The following C5orf47 variants were observed in gnomAD, a reference collection of about 807,000 sequenced individuals.
The protein encoded by C5orf47 is chromosome 5 open reading frame 47, also known as uncharacterized protein C5orf47.
C5orf47 carries 20 observed loss-of-function variants against 20.6 expected under a neutral mutation model. The ratio of observed to expected loss-of-function variants is 0.97; its 90% CI spans 0.68 to 1.41. The LOEUF (loss-of-function observed/expected upper bound fraction) is 1.41. C5orf47 is among the 40% of genes most tolerant of loss of function. The pLI is 0.00. For missense variants in C5orf47, 262 were observed against 238.4 expected, an observed-to-expected ratio of 1.10 and a Z score of -0.65; for synonymous variants, 106 against 97.3, an observed-to-expected ratio of 1.09 and a Z score of -0.53.
chr5:173,989,662 C>A, intron 1 of C5orf47, 74 bp downstream of exon 1: 2 of 1,255,944 alleles, frequency 1.6e-6, no homozygotes, highest in Non-Finnish European at 2.0e-6. Flanking sequence ...CTGCTGGGCG[C>A]CATCTTGCGG....
At chr5:173,996,654 CT>C (rs1344229825) in intron 1 of C5orf47, among the ~76,000 whole-genome samples, 2 of 152,132 alleles carry the variant, frequency 1.3e-5, no homozygotes, top group African/African-American at 4.8e-5. Context: ...CACATTTTCC[CT>C]TTTAACTAAA....
chr5:173,994,197 T>TA (rs772418342), intron 1 of C5orf47, among the ~76,000 whole-genome samples: 90 of 152,326 alleles, frequency 5.9e-4, no homozygotes, highest in Non-Finnish European at 9.7e-4. Context: ...ATGCAGACCT[T>TA]ACTGTTGACC....
rs1758945115 is a variant in C5orf47, at chr5:173,989,596, AGCGGGGCAGGGCGGGACCGGGCGCG to A, written c.325+16_325+40del. The A allele has an allele frequency of 7.0e-7, 1 of 1,425,670 alleles. No homozygotes were observed. The highest frequency in any genetic ancestry group is 9.2e-7 in the Non-Finnish European group (1 of 1,089,820). 88.3% of individuals were successfully genotyped at this position (1,425,670 alleles called of 1,614,324 possible). A position where few individuals can be genotyped will look rare whatever the true frequency, so the allele number is the denominator to read the frequency against. ...GACAGTCGGCGCGTGCAGGTGGTGC[AGCGGGGCAGGGCGGGACCGGGCGCG>A]GCGGGGCGGGACGGGGCGGAGCGGG... On this transcript the variant is annotated intron_variant, in intron 1 of 4. Transcript: ENST00000340147.
At chr5:173,999,935 A>G in intron 3 of C5orf47, 136 bp downstream of exon 3, 1 of 536,084 alleles carries the variant, frequency 1.9e-6, no homozygotes, top group South Asian at 2.8e-5. Context: ...AGGCTACCAT[A>G]TTATCACTAT....
intron 4 of C5orf47, among the ~76,000 whole-genome samples, chr5:174,001,436 A>C (rs1429699940): frequency 6.6e-6 from 1 of 151,996 alleles, no homozygotes; most frequent in Admixed American, 6.6e-5. Context: ...CATGTCCATC[A>C]TGCTATTAGA....
chr5:174,008,315 T>G, downstream of C5orf47, among the ~76,000 whole-genome samples: 1 of 152,276 alleles, frequency 6.6e-6, no homozygotes, highest in Non-Finnish European at 1.5e-5. Context: ...TTGTTAACTT[T>G]GAATGAGACA....
chr5:174,007,559 CT>C (rs113925593), downstream of C5orf47, among the ~76,000 whole-genome samples: 225 of 138,862 alleles, frequency 1.6e-3, no homozygotes, highest in Admixed American at 2.3e-3. Context: ...ACTCTCCTAC[CT>C]TTTTTTTTTT....
chr5:173,990,051 A>C (rs1011514366), intron 1 of C5orf47, among the ~76,000 whole-genome samples: 5 of 151,964 alleles, frequency 3.3e-5, no homozygotes, highest in African/African-American at 1.2e-4. Flanking sequence ...TAAATATTTA[A>C]TCTTCTTTGC....
intron 1 of C5orf47, among the ~76,000 whole-genome samples, chr5:173,990,846 T>C (rs138068714): frequency 0.014 from 2,114 of 152,350 alleles, 63 homozygotes; most frequent in African/African-American, 0.048. Flanking sequence ...AATTAAGATA[T>C]AGAACATTTC....
intron 1 of C5orf47, among the ~76,000 whole-genome samples, chr5:173,991,635 G>C (rs1758999726): frequency 6.6e-6 from 1 of 151,400 alleles, no homozygotes; most frequent in Non-Finnish European, 1.5e-5. Context: ...TCCAATTATT[G>C]TACCAACCTT....
At position 173,990,244 on chromosome 5, in the gene C5orf47, C is replaced by T. The variant is rs1413497945; in HGVS notation, c.325+656C>T. 3.6e-5 allele frequency among the ~76,000 whole-genome samples: 5 copies of T among 137,792 alleles called. No individual in the cohort carries two copies. The Admixed American group carries it at 3.8e-4, about 11-fold the overall frequency. 90.4% of individuals were successfully genotyped at this position (137,792 alleles called of 152,430 possible). ...GCCTTGACCTCAGCCTCCCGAGTAG[C>T]TGGGACCACAGGTGGGCACCTCCAT... On this transcript the variant is annotated intron_variant, in intron 1 of 4. Coordinates refer to ENST00000340147, the MANE Select transcript of C5orf47 (RefSeq NM_001144954.2).
chr5:174,001,940 CTTTTTTCTTTT>C (rs747116597), intron 4 of C5orf47, among the ~76,000 whole-genome samples: 27 of 147,704 alleles, frequency 1.8e-4, no homozygotes, highest in East Asian at 7.8e-4. Context: ...ATACAGTTAT[CTTTTTTCTTTT>C]TTTTTTCTTT....
At chr5:173,995,836 A>G (rs1759078898) in intron 1 of C5orf47, among the ~76,000 whole-genome samples, 1 of 152,238 alleles carries the variant, frequency 6.6e-6, no homozygotes, top group Admixed American at 6.5e-5. Flanking sequence ...GGTGGGGTGG[A>G]GTAAAGTTAT....
intron 2 of C5orf47, among the ~76,000 whole-genome samples, chr5:173,999,281 G>A (rs1267587704): frequency 6.6e-6 from 1 of 152,024 alleles, no homozygotes; most frequent in Non-Finnish European, 1.5e-5. Flanking sequence ...TATGTCCTAG[G>A]AGAAATACTT....
At chr5:174,000,401 T>A (rs1018464437) in intron 3 of C5orf47, among the ~76,000 whole-genome samples, 16 of 152,252 alleles carry the variant, frequency 1.1e-4, no homozygotes, top group African/African-American at 3.1e-4. Context: ...TTCTGGATTT[T>A]AAAAAAATTA....
intron 1 of C5orf47, among the ~76,000 whole-genome samples, chr5:173,991,131 T>C (rs753889250): frequency 4.6e-5 from 7 of 152,164 alleles, no homozygotes; most frequent in Non-Finnish European, 1.0e-4. Flanking sequence ...AATCATAGAG[T>C]ATGTGGGCTT....
chr5:173,998,489 C>T (rs1182620305), intron 2 of C5orf47, among the ~76,000 whole-genome samples: 1 of 152,054 alleles, frequency 6.6e-6, no homozygotes, highest in African/African-American at 2.4e-5. Context: ...AAGTGTAACC[C>T]CACTGGAGGA....
At chr5:173,995,978 C>T (rs1378915745) in intron 1 of C5orf47, among the ~76,000 whole-genome samples, 1 of 152,172 alleles carries the variant, frequency 6.6e-6, no homozygotes, top group Non-Finnish European at 1.5e-5. Context: ...CAGGCCAGTT[C>T]CCTGTCCTTA....
At position 173,989,465 on chromosome 5, in the gene C5orf47, G is replaced by A; in HGVS notation, c.202G>A (p.Glu68Lys). ...MAVAGVQGGSELPLGSQLRVP... is the reference protein window; with the variant it reads ...MAVAGVQGGSKLPLGSQLRVP... ...GGTGGCGGGCGTTCAGGGTGGCAGC[G>A]AGCTGCCCCTCGGTTCCCAGCTCAG... Residue 68 changes from glutamate to lysine, a missense_variant, in exon 1 of 5, where the codon GAG (glutamate) becomes AAG (lysine). By Grantham distance (56) the Glu-to-Lys change is moderately conservative (BLOSUM62 1). Transcript: ENST00000340147. 1.3e-6 allele frequency: 2 copies of A among 1,549,542 alleles called. No individual in the cohort carries two copies. Among genetic ancestry groups the A allele is most frequent in the Non-Finnish European group, 1.7e-6 (2 of 1,146,160 alleles).
Sources: gnomAD v4.1 joint callset for allele counts (sites outside exome capture counted in the v4.1 genomes callset) on GRCh38, gnomAD v4.1.1 for gene constraint, MANE v1.5 for transcripts, NCBI Gene and HGNC (gene_info 2026-07-23, HGNC 2026-07-21) for gene names.